Variants in USP35 observed in about 807,000 individuals in gnomAD.
USP35 encodes the protein ubiquitin carboxyl-terminal hydrolase 35.
USP35 carries 69 observed loss-of-function variants against 83.8 expected under a neutral mutation model. That is an observed-to-expected ratio of 0.82 (90% confidence interval 0.68 to 1.01). The LOEUF (loss-of-function observed/expected upper bound fraction) is 1.01, where lower values mean the gene tolerates loss of function less well. Among genes scored for constraint, USP35 ranks in the 50% least tolerant of loss-of-function variants. The probability of loss-of-function intolerance (pLI) is 0.00; values close to 1 mark genes in which losing one functional copy is unlikely to be tolerated. For missense variants in USP35, 1,503 were observed against 1,362.5 expected (o/e 1.10, Z -1.62); for synonymous variants, 714 against 589.5 (o/e 1.21, Z -3.06).
intron 1 of USP35, among the ~76,000 whole-genome samples, chr11:78,194,118 T>TGCCATGGTTACAACCCCACTGATGTCG (rs1863076778): frequency 2.0e-5 from 3 of 148,300 alleles, no homozygotes; most frequent in East Asian, 1.9e-4. Context: ...CACTGATGTC[T>TGCCATGGTTACAACCCCACTGATGTCG]GCCATGGTTA....
chr11:78,221,678 A>G, the USP35 span: 1 of 1,603,286 alleles, frequency 6.2e-7, no homozygotes, highest in Non-Finnish European at 8.5e-7. Context: ...AGGACTCACC[A>G]TAGGGACATA....
intron 1 of USP35, among the ~76,000 whole-genome samples, chr11:78,192,387 T>A (rs1019485946): frequency 6.6e-6 from 1 of 152,248 alleles, no homozygotes; most frequent in Non-Finnish European, 1.5e-5. Flanking sequence ...GCCAAGGCCA[T>A]GTTCCTCTCT....
intron 2 of USP35, among the ~76,000 whole-genome samples, chr11:78,197,453 A>G (rs887237773): frequency 1.3e-5 from 2 of 152,186 alleles, no homozygotes; most frequent in Admixed American, 1.3e-4. Flanking sequence ...CTTAGACTAC[A>G]GTGCAAGTGA....
the USP35 span, chr11:78,221,608 G>A: frequency 2.3e-6 from 2 of 872,248 alleles, no homozygotes; most frequent in Non-Finnish European, 3.7e-6. Flanking sequence ...AAGCTGGGAA[G>A]TGGGGAACTG....
chr11:78,196,993 G>C lies in USP35; in HGVS notation c.673+75G>C. 2.8e-6 allele frequency: 4 copies of C among 1,404,926 alleles called. No individual in the cohort carries two copies. The highest frequency in any genetic ancestry group is 3.7e-6 in the Non-Finnish European group (4 of 1,084,270). 87.0% of individuals were successfully genotyped at this position (1,404,926 alleles called of 1,614,324 possible). On this transcript the variant is annotated intron_variant, in intron 2 of 10. Coordinates refer to ENST00000529308, the MANE Select transcript of USP35 (RefSeq NM_020798.4). This position sits in a 1 kb window ranked among gnomAD's most constrained non-coding sequence, Gnocchi z 4.8. ...GGCGCTTGGGTAGGTGGCTGTACGT[G>C]TGGATTTGTGCATGCGGGCGCCCGT... is the stretch of plus-strand genomic sequence containing the variant.
At chr11:78,198,823 G>A (rs1181853409) in intron 3 of USP35, 1 of 457,998 alleles carries the variant, frequency 2.2e-6, no homozygotes, top group East Asian at 1.5e-4. Flanking sequence ...GTAAAATGGA[G>A]TATAACCAAA....
At chr11:78,211,448 T>C (rs1237074199) in intron 10 of USP35, among the ~76,000 whole-genome samples, 1 of 152,214 alleles carries the variant, frequency 6.6e-6, no homozygotes, top group Non-Finnish European at 1.5e-5. Context: ...GAATGACTTA[T>C]ATTCCTTTGG....
chr11:78,205,866 C>G lies in USP35; in HGVS notation c.1222C>G (p.Arg408Gly), dbSNP rs200422100. ...GGACCTCCATGTTCCCAATGAGGAC[C>G]GCATCAAGCAGCTGCTGGGGCAGGA... ...IKDLHVPNED[R>G]IKQLLGQDAW... The change falls in exon 7 of 11, where the codon CGC becomes GGC. Residue 408 changes from arginine (R) to glycine (G), a missense_variant. Arg to Gly is a moderately radical substitution (Grantham distance 125, BLOSUM62 -2). Coordinates refer to ENST00000529308, the MANE Select transcript of USP35 (RefSeq NM_020798.4). 3 of 1,613,726 alleles carry G rather than the reference C, an allele frequency of 1.9e-6. No individual in the cohort carries two copies. The highest frequency in any genetic ancestry group is 1.7e-6 in the Non-Finnish European group (2 of 1,179,778).
At chr11:78,223,694 G>C in the USP35 span, 3 of 1,567,838 alleles carry the variant, frequency 1.9e-6, no homozygotes, top group East Asian at 4.5e-5. Flanking sequence ...GAGGAACAGT[G>C]AAAGAAATAC....
chr11:78,200,266 G>A (rs771624107), intron 5 of USP35, 32 bp downstream of exon 5: 20 of 1,605,764 alleles, frequency 1.2e-5, no homozygotes, highest in Admixed American at 6.7e-5. Context: ...CCCTGGTGAG[G>A]CCCCTGCCTG....
the USP35 span, among the ~76,000 whole-genome samples, chr11:78,235,566 T>C: frequency 6.6e-6 from 1 of 152,194 alleles, no homozygotes; most frequent in East Asian, 1.9e-4. Context: ...CTTGAATGCT[T>C]TGCTGCTTAG....
chr11:78,203,308 TG>T (rs1696199462), intron 6 of USP35, among the ~76,000 whole-genome samples: 1 of 151,894 alleles, frequency 6.6e-6, no homozygotes. Flanking sequence ...AGGGGAGGCA[TG>T]GAAGTGGGAA....
the USP35 span, among the ~76,000 whole-genome samples, chr11:78,224,629 T>G: frequency 6.6e-6 from 1 of 152,224 alleles, no homozygotes; most frequent in Non-Finnish European, 1.5e-5. Context: ...AGCCAGGCCC[T>G]GGTCTTCTTG....
At chr11:78,230,200 G>T in the USP35 span, among the ~76,000 whole-genome samples, 1 of 152,154 alleles carries the variant, frequency 6.6e-6, no homozygotes, top group African/African-American at 2.4e-5. Context: ...CCTGGGCTTG[G>T]CCCAAACCTT....
the USP35 span, chr11:78,223,769 T>C: frequency 9.3e-7 from 1 of 1,071,288 alleles, no homozygotes; most frequent in Non-Finnish European, 1.4e-6. Context: ...AGACAAGTCA[T>C]GACTGGGTTA....
chr11:78,209,259 G>A (rs989220680), intron 9 of USP35, among the ~76,000 whole-genome samples, 189 bp from the exon 10 acceptor site: 2 of 151,228 alleles, frequency 1.3e-5, no homozygotes, highest in East Asian at 2.0e-4. Flanking sequence ...TATGTAGGGC[G>A]TGTGGGTGAG....
chr11:78,207,454 C>A, intron 7 of USP35, 76 bp from the exon 8 acceptor site: 2 of 1,460,048 alleles, frequency 1.4e-6, no homozygotes, highest in Non-Finnish European at 1.9e-6. Context: ...AGGCTCTGGG[C>A]TGCCTGTGAC....
intron 6 of USP35, among the ~76,000 whole-genome samples, chr11:78,205,561 T>G (rs1035212697): frequency 6.6e-6 from 1 of 152,230 alleles, no homozygotes; most frequent in Non-Finnish European, 1.5e-5. Context: ...GGACAATTAT[T>G]TTCTCTGTCT....
At chr11:78,222,231 T>C in the USP35 span, 17 of 1,329,836 alleles carry the variant, frequency 1.3e-5, no homozygotes, top group Admixed American at 5.0e-5. Flanking sequence ...AATCAGCCAG[T>C]AATGATAATG....
Sources: gnomAD v4.1 joint callset for allele counts (sites outside exome capture counted in the v4.1 genomes callset) on GRCh38, gnomAD v4.1.1 for gene constraint, Gnocchi (gnomAD v3.1) non-coding constraint, MANE v1.5 for transcripts, NCBI Gene and HGNC (gene_info 2026-07-23, HGNC 2026-07-21) for gene names.